The following DEF6 variants were observed in gnomAD, a reference collection of about 807,000 sequenced individuals.
The protein encoded by DEF6 is differentially expressed in FDCP 6 homolog.
A neutral mutation model predicts 80.5 loss-of-function variants in DEF6; 32 were observed. The observed-to-expected ratio is 0.40, with a 90% CI of 0.30 to 0.53. DEF6 has a LOEUF of 0.53. Among genes scored for constraint, DEF6 ranks in the 20% least tolerant of loss-of-function variants. The pLI is 0.57. For missense variants in DEF6, 575 were observed against 818.7 expected, an observed-to-expected ratio of 0.70 and a Z score of 3.63; for synonymous variants, 300 against 337.9, an observed-to-expected ratio of 0.89 and a Z score of 1.23.
At position 35,320,112 on chromosome 6, in the gene DEF6, CT is replaced by C. The variant is rs1391195862; in HGVS notation, c.1581+96del. On this transcript the variant is annotated intron_variant, in intron 9 of 10. Transcript: ENST00000316637. The stretch of plus-strand genomic sequence containing the variant: ...GGCTGCCTTCCCTCAAACCCTGGCC[CT>C]AGCAGCTGCTGGCTGTGTGACTTTG... The C allele has an allele frequency of 2.4e-6, 3 of 1,248,028 alleles. No homozygotes were observed. In the East Asian group the frequency reaches 7.7e-5, roughly 32 times the overall value. 77.3% of individuals were successfully genotyped at this position (1,248,028 alleles called of 1,614,324 possible).
intron 1 of DEF6, among the ~76,000 whole-genome samples, chr6:35,302,522 C>A (rs78295158): frequency 0.014 from 2,063 of 152,188 alleles, 17 homozygotes; most frequent in African/African-American, 0.025. Context: ...TTTTTAGGAT[C>A]CCCAATCCCC....
intron 1 of DEF6, among the ~76,000 whole-genome samples, chr6:35,309,363 C>G (rs532356876): frequency 6.6e-6 from 1 of 152,308 alleles, no homozygotes; most frequent in Admixed American, 6.5e-5. Context: ...AGTATAACTG[C>G]ATGGGTTTGA....
At position 35,318,160 on chromosome 6, in the gene DEF6, C is replaced by G. The variant is rs749866586; in HGVS notation, c.917-13C>G. 13 of 1,544,210 alleles carry G rather than the reference C, an allele frequency of 8.4e-6. No homozygotes were observed. Among genetic ancestry groups the G allele is most frequent in the Non-Finnish European group, 1.0e-5 (12 of 1,147,708 alleles). ...TGCGAGGATCCTACTGACCCGCTCC[C>G]GCTCTTCGGCAGCCATCCAGATGGC... is the stretch of plus-strand genomic sequence containing the variant. On this transcript the variant is annotated splice_polypyrimidine_tract_variant and intron_variant, in intron 6 of 10. Coordinates refer to ENST00000316637, the MANE Select transcript of DEF6 (RefSeq NM_022047.4). This position sits in a 1 kb window ranked among gnomAD's most constrained non-coding sequence, Gnocchi z 5.1.
intron 3 of DEF6, 99 bp downstream of exon 3, chr6:35,310,743 CCTTT>C (rs1791456725): frequency 3.2e-6 from 4 of 1,261,128 alleles, no homozygotes; most frequent in Non-Finnish European, 4.5e-6. Context: ...TCCCATATCC[CCTTT>C]CTTTCTTTAC....
chr6:35,304,975 G>C (rs1178091954), intron 1 of DEF6, among the ~76,000 whole-genome samples: 1 of 148,432 alleles, frequency 6.7e-6, no homozygotes, highest in African/African-American at 2.5e-5. Flanking sequence ...TCGGGGCTGC[G>C]CTGTGGTAGC....
chr6:35,297,894 A>T lies in DEF6; in HGVS notation c.38A>T (p.Tyr13Phe). The T allele has an allele frequency of 6.2e-7, 1 of 1,608,080 alleles. No individual in the cohort carries two copies. Among genetic ancestry groups the T allele is most frequent in the Non-Finnish European group, 8.5e-7 (1 of 1,177,784 alleles). ...AAGGAACTGCTCAAGTCCATCTGGT[A>T]CGCCTTTACCGCGCTGGACGTGGAG... ...LRKELLKSIW[Y>F]AFTALDVEKS... is the part of the protein sequence containing the mutation. The change falls in exon 1 of 11, where the codon TAC (tyrosine) becomes TTC (phenylalanine). Residue 13 changes from tyrosine to phenylalanine, a missense_variant. Tyr to Phe is a conservative substitution (Grantham distance 22). Transcript: ENST00000316637.
chr6:35,298,046 G>T, intron 1 of DEF6, 94 bp downstream of exon 1: 5 of 1,123,856 alleles, frequency 4.4e-6, no homozygotes, highest in Non-Finnish European at 6.5e-6. Context: ...GCCACTCCAG[G>T]GGCACCCAGC....
rs976931729 is a variant in DEF6 at position 35,321,078 on chromosome 6, C to T, written c.1672+104C>T. Reference sequence around the variant, plus strand: ...CCAGATCTCCCAGGGCCAGCAAAAGCAGGACTGGCAGTCAGGAGGCTCCCC... The same window carrying T: ...CCAGATCTCCCAGGGCCAGCAAAAGTAGGACTGGCAGTCAGGAGGCTCCCC... On this transcript the variant is annotated intron_variant, in intron 10 of 10. Transcript: ENST00000316637. 65 of 1,546,978 alleles carry T rather than the reference C, an allele frequency of 4.2e-5. No homozygotes were observed. The Middle Eastern group carries it at 8.7e-4, about 21-fold the overall frequency.
At chr6:35,309,982 C>CCCCAATTCA (rs1337310353) in intron 2 of DEF6, among the ~76,000 whole-genome samples, 172 bp downstream of exon 2, 18 of 149,170 alleles carry the variant, frequency 1.2e-4, no homozygotes, top group African/African-American at 4.4e-4. Flanking sequence ...GCCACCTGCC[C>CCCCAATTCA]CCTTCCTGTC....
At position 35,319,892 on chromosome 6, in the gene DEF6, C is replaced by G; in HGVS notation, c.1456C>G (p.Arg486Gly). ...LKEEQERYIERAQQEKEELQQ... is the reference protein window; with the variant it reads ...LKEEQERYIEGAQQEKEELQQ... Reference sequence around the variant, plus strand: ...GGAGGAGCAGGAGCGCTACATCGAACGGGCGCAGCAGGAGAAGGAAGAGCT... The same window carrying G: ...GGAGGAGCAGGAGCGCTACATCGAAGGGGCGCAGCAGGAGAAGGAAGAGCT... The change falls in exon 9 of 11, where the codon CGG becomes GGG. Residue 486 changes from arginine to glycine, a missense_variant. Arg to Gly is a moderately radical substitution (Grantham distance 125). Coordinates refer to ENST00000316637, the MANE Select transcript of DEF6 (RefSeq NM_022047.4). The surrounding 1 kb of genome is among the most constrained non-coding windows in gnomAD (Gnocchi z 4.5). 1 of 1,577,934 alleles carries G rather than the reference C, an allele frequency of 6.3e-7. No homozygotes were observed. Among genetic ancestry groups the G allele is most frequent in the Non-Finnish European group, 8.6e-7 (1 of 1,161,800 alleles).
chr6:35,301,914 C>T (rs908165305), intron 1 of DEF6, among the ~76,000 whole-genome samples: 7 of 151,858 alleles, frequency 4.6e-5, no homozygotes, highest in Non-Finnish European at 8.8e-5. Context: ...TTTAGTAGAG[C>T]CGGGGTTTTG....
chr6:35,318,260 A>G lies in DEF6; in HGVS notation c.1004A>G (p.Gln335Arg). 1 of 1,583,572 alleles carries G rather than the reference A, an allele frequency of 6.3e-7. No individual in the cohort carries two copies. Among genetic ancestry groups the G allele is most frequent in the Non-Finnish European group, 8.6e-7 (1 of 1,166,408 alleles). The change falls in exon 7 of 11, where the codon CAG becomes CGG. Residue 335 changes from glutamine to arginine, a missense_variant. Transcript: ENST00000316637. This position sits in a 1 kb window ranked among gnomAD's most constrained non-coding sequence, Gnocchi z 5.1. ...LKQKRREQRE[Q>R]RERRRAAKEE... ...CAGAAACGGCGCGAGCAGCGGGAGCAGCGGGAGCGGCGCCGGGCGGCCAAG... is the reference window on the plus strand; with the variant it reads ...CAGAAACGGCGCGAGCAGCGGGAGCGGCGGGAGCGGCGCCGGGCGGCCAAG...
At chr6:35,307,553 G>A (rs797015971) in intron 1 of DEF6, among the ~76,000 whole-genome samples, 18 of 152,332 alleles carry the variant, frequency 1.2e-4, no homozygotes, top group African/African-American at 4.3e-4. Flanking sequence ...GCTAGGCATT[G>A]AGCCAGTGGC....
Position 35,312,610 on chromosome 6 carries a change from T to TAACTCC in DEF6, c.661-15_661-10dup. ...AGGGGGGCCTGGGAAGCCTCTGACG[T>TAACTCC]AACTCCGGCTGGCAGGGCTACCTGT... On this transcript the variant is annotated splice_polypyrimidine_tract_variant and intron_variant, in intron 4 of 10. Transcript: ENST00000316637. This position sits in a 1 kb window ranked among gnomAD's most constrained non-coding sequence, Gnocchi z 6.6. The TAACTCC allele has an allele frequency of 6.2e-7, 1 of 1,614,166 alleles. No individual in the cohort carries two copies. The highest frequency in any genetic ancestry group is 8.5e-7 in the Non-Finnish European group (1 of 1,180,028).
intron 1 of DEF6, among the ~76,000 whole-genome samples, chr6:35,303,061 C>G (rs1450093933): frequency 6.6e-6 from 1 of 152,180 alleles, no homozygotes; most frequent in African/African-American, 2.4e-5. Flanking sequence ...CTCTCCACCC[C>G]CAACCCCTAC....
chr6:35,318,427 G>A lies in DEF6; in HGVS notation c.1171G>A (p.Glu391Lys). Residue 391 changes from glutamate to lysine, a missense_variant, in exon 7 of 11, where the codon GAG becomes AAG. Physicochemically the swap from Glu to Lys is moderately conservative, Grantham distance 56. Transcript: ENST00000316637. The surrounding 1 kb of genome is among the most constrained non-coding windows in gnomAD (Gnocchi z 5.1). The stretch of plus-strand genomic sequence containing the variant: ...GGAACGGCGCCGCAGCCAGCACCGC[G>A]AGCTGCAGCAGGCGCTCGAGGGCCA... ...EEERRRSQHR[E>K]LQQALEGQLR... is the part of the protein sequence containing the mutation. 4.0e-6 allele frequency: 6 copies of A among 1,506,082 alleles called. No homozygotes were observed. Among genetic ancestry groups the A allele is most frequent in the Non-Finnish European group, 5.3e-6 (6 of 1,134,508 alleles). 93.3% of individuals were successfully genotyped at this position (1,506,082 alleles called of 1,614,324 possible). A position where few individuals can be genotyped will look rare whatever the true frequency, so the allele number is the denominator to read the frequency against.
intron 1 of DEF6, among the ~76,000 whole-genome samples, chr6:35,305,711 T>C (rs969557053): frequency 1.8e-4 from 27 of 151,870 alleles, no homozygotes; most frequent in African/African-American, 6.5e-4. Context: ...TAACTGGGAT[T>C]ACAGCCGCCT....
At chr6:35,314,948 A>G (rs979573451) in intron 5 of DEF6, among the ~76,000 whole-genome samples, 8 of 152,168 alleles carry the variant, frequency 5.3e-5, no homozygotes, top group Non-Finnish European at 1.0e-4. Context: ...ATTTTTTTAT[A>G]TGGTGAGAGA....
intron 1 of DEF6, among the ~76,000 whole-genome samples, chr6:35,304,381 G>T (rs550439082): frequency 2.2e-4 from 34 of 152,324 alleles, no homozygotes; most frequent in South Asian, 1.7e-3. Context: ...CCCTGAGAAG[G>T]TGTCATCTAA....
Sources: gnomAD v4.1 joint callset for allele counts (sites outside exome capture counted in the v4.1 genomes callset) on GRCh38, gnomAD v4.1.1 for gene constraint, Gnocchi (gnomAD v3.1) non-coding constraint, MANE v1.5 for transcripts, NCBI Gene and HGNC (gene_info 2026-07-23, HGNC 2026-07-21) for gene names.